The following CLASP1 variants were observed in gnomAD, a reference collection of about 807,000 sequenced individuals.
CLASP1 encodes cytoplasmic linker associated protein 1.
A neutral mutation model predicts 192.3 loss-of-function variants in CLASP1; 38 were observed. That is an observed-to-expected ratio of 0.20 (90% CI 0.15 to 0.26). The LOEUF (loss-of-function observed/expected upper bound fraction) is 0.26, where lower values mean the gene tolerates loss of function less well. CLASP1 is among the 10% of genes least tolerant of loss of function. CLASP1 has a pLI of 1.00. For synonymous variants in CLASP1, 691 were observed against 712.8 expected, an observed-to-expected ratio of 0.97 and a Z score of 0.49; for missense variants, 1,433 against 1,932.5, an observed-to-expected ratio of 0.74 and a Z score of 4.85.
chr2:121,639,615 C>G (rs2071626464), intron 1 of CLASP1, among the ~76,000 whole-genome samples: 1 of 152,100 alleles, frequency 6.6e-6, no homozygotes, highest in African/African-American at 2.4e-5. Flanking sequence ...AATCCCAGCA[C>G]TCTGGGAGGG....
chr2:121,487,348 G>A (rs1211766738), intron 8 of CLASP1, among the ~76,000 whole-genome samples: 1 of 151,992 alleles, frequency 6.6e-6, no homozygotes, highest in Non-Finnish European at 1.5e-5. Flanking sequence ...TTAATGACCT[G>A]TTTTAAATAC....
intron 2 of CLASP1, among the ~76,000 whole-genome samples, chr2:121,549,859 A>G (rs2057856887): frequency 6.6e-6 from 1 of 151,724 alleles, no homozygotes; most frequent in African/African-American, 2.4e-5. Context: ...CAAAAAAATT[A>G]GCCAGGCGTG....
intron 1 of CLASP1, among the ~76,000 whole-genome samples, chr2:121,632,877 C>A: frequency 1.4e-5 from 2 of 144,854 alleles, no homozygotes; most frequent in African/African-American, 2.7e-5. Flanking sequence ...GCCTGGGCAG[C>A]AAGAGTGAAA....
intron 1 of CLASP1, among the ~76,000 whole-genome samples, chr2:121,635,216 A>G (rs1173168523): frequency 2.1e-5 from 3 of 144,738 alleles, no homozygotes; most frequent in Non-Finnish European, 4.4e-5. Context: ...CTGTAAAAAA[A>G]AAAAAGAAAA....
chr2:121,642,782 C>T (rs1045946437), intron 1 of CLASP1, among the ~76,000 whole-genome samples: 1 of 152,036 alleles, frequency 6.6e-6, no homozygotes, highest in Non-Finnish European at 1.5e-5. Flanking sequence ...AGCAAAATGA[C>T]AAAGCTATTA....
intron 2 of CLASP1, among the ~76,000 whole-genome samples, chr2:121,534,320 G>A (rs182780864): frequency 3.9e-4 from 60 of 152,246 alleles, no homozygotes; most frequent in African/African-American, 1.4e-3. Flanking sequence ...AGAGTGAGTT[G>A]GAAATAAAAC....
At chr2:121,577,264 T>A (rs530608025) in intron 2 of CLASP1, among the ~76,000 whole-genome samples, 1 of 151,018 alleles carries the variant, frequency 6.6e-6, no homozygotes, top group East Asian at 1.9e-4. Context: ...GGAAAAAAGA[T>A]CCACCTTTAT....
chr2:121,457,454 G>GACACACACACAC (rs753105912), intron 14 of CLASP1, among the ~76,000 whole-genome samples: 48 of 131,790 alleles, frequency 3.6e-4, no homozygotes, highest in African/African-American at 1.7e-3. Context: ...CTCTCACACA[G>GACACACACACAC]ACATACACAC....
chr2:121,570,671 T>C (rs545831261), intron 2 of CLASP1, among the ~76,000 whole-genome samples: 26 of 152,358 alleles, frequency 1.7e-4, no homozygotes, highest in African/African-American at 6.3e-4. Context: ...CTAGAATTTC[T>C]AGATTTCCTT....
intron 19 of CLASP1, among the ~76,000 whole-genome samples, chr2:121,440,617 G>T (rs946725787): frequency 2.0e-5 from 3 of 152,298 alleles, no homozygotes; most frequent in Middle Eastern, 6.8e-3. Flanking sequence ...CTTGAGCCTG[G>T]CAAGTCAAGG....
At chr2:121,344,121 T>C (rs1476584830) in intron 39 of CLASP1, among the ~76,000 whole-genome samples, 2 of 151,342 alleles carry the variant, frequency 1.3e-5, no homozygotes, top group Non-Finnish European at 2.9e-5. Flanking sequence ...ATAAAAAGAC[T>C]GGAGGGGGGG....
intron 8 of CLASP1, among the ~76,000 whole-genome samples, chr2:121,500,310 AAG>A (rs556810612): frequency 3.3e-5 from 5 of 150,454 alleles, no homozygotes; most frequent in African/African-American, 7.3e-5. Flanking sequence ...GAGAGACAGA[AAG>A]AGAGAGAGGA....
intron 7 of CLASP1, among the ~76,000 whole-genome samples, chr2:121,515,024 C>G (rs2094248130): frequency 6.6e-6 from 1 of 152,150 alleles, no homozygotes; most frequent in African/African-American, 2.4e-5. Flanking sequence ...AGGAATGACC[C>G]AGGGTAAAAG....
At chr2:121,410,875 A>G (rs1464475883) in exon 24 of CLASP1, 1 of 1,605,462 alleles carries the variant, frequency 6.2e-7, no homozygotes, top group Non-Finnish European at 8.5e-7. Context: ...CCAAAGCATC[A>G]GCAACAGCAG....
At chr2:121,505,084 T>C (rs2093901138) in intron 7 of CLASP1, 1 of 152,232 alleles carries the variant, frequency 6.6e-6, no homozygotes, top group South Asian at 2.1e-4. Flanking sequence ...TGCCAGGGCA[T>C]GCCCTCACTA....
At chr2:121,620,067 T>C (rs2067078577) in intron 1 of CLASP1, among the ~76,000 whole-genome samples, 1 of 151,660 alleles carries the variant, frequency 6.6e-6, no homozygotes, top group Non-Finnish European at 1.5e-5. Flanking sequence ...ACTAAAAATA[T>C]GAAAAGTAGC....
At chr2:121,351,660 G>A (rs544303661) in intron 37 of CLASP1, among the ~76,000 whole-genome samples, 35 of 152,244 alleles carry the variant, frequency 2.3e-4, no homozygotes, top group Admixed American at 9.8e-4. Context: ...CCACGTAGCC[G>A]GCACCCTGGA....
intron 8 of CLASP1, among the ~76,000 whole-genome samples, chr2:121,498,020 C>A (rs2093604197): frequency 6.6e-6 from 1 of 152,030 alleles, no homozygotes; most frequent in African/African-American, 2.4e-5. Flanking sequence ...CCGCCACGCC[C>A]AGCTAATTTT....
chr2:121,430,825 T>C (rs1019479319), intron 19 of CLASP1, among the ~76,000 whole-genome samples: 1 of 152,158 alleles, frequency 6.6e-6, no homozygotes, highest in African/African-American at 2.4e-5. Flanking sequence ...TAGGAGTACC[T>C]AGAGAAATGA....
Sources: gnomAD v4.1 joint callset for allele counts (sites outside exome capture counted in the v4.1 genomes callset) on GRCh38, gnomAD v4.1.1 for gene constraint, MANE v1.5 for transcripts, NCBI Gene and HGNC (gene_info 2026-07-23, HGNC 2026-07-21) for gene names.